The following GNG2 variants were observed in gnomAD, a reference collection of about 807,000 sequenced individuals.
GNG2 encodes G protein subunit gamma 2, also known as guanine nucleotide-binding protein G(I)/G(S)/G(O) subunit gamma-2.
A neutral mutation model predicts 5.5 loss-of-function variants in GNG2; 5 were observed. That is an observed-to-expected ratio of 0.91 (90% confidence interval 0.48 to 1.92). The LOEUF (loss-of-function observed/expected upper bound fraction) is 1.92, where lower values mean the gene tolerates loss of function less well. GNG2 is among the 30% of genes most tolerant of loss of function. The pLI, the probability that GNG2 is intolerant of heterozygous loss-of-function variation, is 0.01. For synonymous variants in GNG2, 28 were observed against 32.0 expected, an observed-to-expected ratio of 0.88 and a Z score of 0.42; for missense variants, 55 against 88.4, an observed-to-expected ratio of 0.62 and a Z score of 1.52.
chr14:51,954,697 C>T (rs1218311303), intron 3 of GNG2, among the ~76,000 whole-genome samples: 1 of 152,210 alleles, frequency 6.6e-6, no homozygotes, highest in African/African-American at 2.4e-5. Context: ...CTCTGCTCCT[C>T]TCTCTGTGTC....
chr14:51,967,194 A>C lies in GNG2; in HGVS notation c.*507A>C. 6.5e-6 allele frequency: 1 copy of C among 152,964 alleles called. No individual in the cohort carries two copies. The highest frequency in any genetic ancestry group is 1.4e-5 in the Non-Finnish European group (1 of 69,138). 9.5% of individuals were successfully genotyped at this position (152,964 alleles called of 1,614,324 possible). A position where few individuals can be genotyped will look rare whatever the true frequency, so the allele number is the denominator to read the frequency against. ...TTCCTTCTCCTCTACCCCTCCTTCCACCCCTCCCCATTAGAGTAGTGTGGA... is the reference window on the plus strand; with the variant it reads ...TTCCTTCTCCTCTACCCCTCCTTCCCCCCCTCCCCATTAGAGTAGTGTGGA... On this transcript the variant is annotated 3_prime_UTR_variant, in exon 4 of 4. Coordinates refer to ENST00000556766, the MANE Select transcript of GNG2 (RefSeq NM_053064.5).
intron 1 of GNG2, among the ~76,000 whole-genome samples, chr14:51,869,947 T>C (rs1176103519): frequency 6.6e-6 from 1 of 152,328 alleles, no homozygotes; most frequent in African/African-American, 2.4e-5. Context: ...CCCGAGGCCA[T>C]GGAGCAGCCC....
rs112991758 is a variant in GNG2, at chr14:51,838,250, C to T, written c.64+10443C>T. Among the ~76,000 whole-genome samples, 1,452 of 152,218 alleles carry T rather than the reference C, an allele frequency of 9.5e-3. 13 individuals carry two copies. Among genetic ancestry groups the T allele is most frequent in the Non-Finnish European group, 0.015 (1,011 of 68,008 alleles). ...CCTGAGGTCAGGAGTTTGAGACAAGCCTGGCCAGCATGGTGAAACCCCATC... is the reference window on the plus strand; with the variant it reads ...CCTGAGGTCAGGAGTTTGAGACAAGTCTGGCCAGCATGGTGAAACCCCATC... On this transcript the variant is annotated intron_variant, in intron 2 of 3. Coordinates refer to the GNG2 transcript ENST00000553432.
intron 2 of GNG2, among the ~76,000 whole-genome samples, chr14:51,849,698 C>A (rs1959520): frequency 0.71 from 108,187 of 152,070 alleles, 40,754 homozygotes; most frequent in East Asian, 0.97. Context: ...AAAATCCATG[C>A]GATCAGAAAC....
At chr14:51,834,413 T>C (rs985478320) in intron 2 of GNG2, among the ~76,000 whole-genome samples, 1 of 152,186 alleles carries the variant, frequency 6.6e-6, no homozygotes, top group Non-Finnish European at 1.5e-5. Context: ...CACATGGAAA[T>C]GAGGCCTTCC....
At chr14:51,940,855 G>A (rs993026285) in intron 2 of GNG2, among the ~76,000 whole-genome samples, 2 of 152,148 alleles carry the variant, frequency 1.3e-5, no homozygotes, top group Non-Finnish European at 2.9e-5. Context: ...CAACGACCCT[G>A]AAACCTGGCA....
chr14:51,899,859 C>A (rs2357249), intron 2 of GNG2, among the ~76,000 whole-genome samples: 9 of 151,970 alleles, frequency 5.9e-5, no homozygotes, highest in Admixed American at 3.9e-4. Flanking sequence ...TTTCACAGTG[C>A]AATAATATTC....
At chr14:51,864,098 C>T (rs1412884368) in intron 1 of GNG2, among the ~76,000 whole-genome samples, 1 of 152,198 alleles carries the variant, frequency 6.6e-6, no homozygotes, top group Non-Finnish European at 1.5e-5. Flanking sequence ...TTTTCCATAG[C>T]AGCTGCACTA....
chr14:51,954,310 A>G (rs1889151124), intron 3 of GNG2, among the ~76,000 whole-genome samples: 1 of 152,140 alleles, frequency 6.6e-6, no homozygotes, highest in African/African-American at 2.4e-5. Flanking sequence ...AAATAAAAGG[A>G]AATTGGGAAG....
intron 1 of GNG2, among the ~76,000 whole-genome samples, chr14:51,876,276 T>A (rs1883658154): frequency 6.6e-6 from 1 of 152,044 alleles, no homozygotes; most frequent in Non-Finnish European, 1.5e-5. Flanking sequence ...TAAAATTTTA[T>A]CATGTGGAGT....
intron 2 of GNG2, among the ~76,000 whole-genome samples, chr14:51,846,266 TA>T (rs1391789046): frequency 3.9e-5 from 6 of 152,242 alleles, no homozygotes; most frequent in Admixed American, 1.3e-4. Context: ...TAATATAGAA[TA>T]TTTTTTACAT....
At chr14:51,843,483 C>G (rs1437749553) in intron 2 of GNG2, among the ~76,000 whole-genome samples, 2 of 152,086 alleles carry the variant, frequency 1.3e-5, no homozygotes, top group Non-Finnish European at 2.9e-5. Context: ...GGGCTTAAAA[C>G]CTGGATGACA....
chr14:51,861,843 G>A (rs1300127207), intron 1 of GNG2, among the ~76,000 whole-genome samples: 1 of 152,150 alleles, frequency 6.6e-6, no homozygotes, highest in Non-Finnish European at 1.5e-5. Context: ...ATCTTCAACA[G>A]AAAGTACAGT....
intron 1 of GNG2, among the ~76,000 whole-genome samples, chr14:51,872,018 C>T (rs886328304): frequency 2.0e-5 from 3 of 152,174 alleles, no homozygotes; most frequent in Admixed American, 6.5e-5. Flanking sequence ...CCATAAGAAC[C>T]GGCAGGTGAG....
At chr14:51,955,707 A>G (rs1036682152) in intron 3 of GNG2, among the ~76,000 whole-genome samples, 1 of 152,246 alleles carries the variant, frequency 6.6e-6, no homozygotes, top group African/African-American at 2.4e-5. Flanking sequence ...TATTTTTTAA[A>G]AGGATGGAAT....
intron 2 of GNG2, among the ~76,000 whole-genome samples, chr14:51,895,913 G>A (rs537790093): frequency 3.2e-4 from 48 of 152,136 alleles, no homozygotes; most frequent in African/African-American, 1.1e-3. Context: ...TGCCATCCAC[G>A]TAAGACGTGA....
At chr14:51,915,729 A>G (rs1886581232) in intron 2 of GNG2, among the ~76,000 whole-genome samples, 1 of 152,228 alleles carries the variant, frequency 6.6e-6, no homozygotes, top group Non-Finnish European at 1.5e-5. Context: ...AAAAAGTGGT[A>G]TTTCTTTAAA....
intron 3 of GNG2, among the ~76,000 whole-genome samples, chr14:51,961,327 A>T (rs1211235002): frequency 2.0e-5 from 3 of 152,152 alleles, no homozygotes; most frequent in African/African-American, 7.2e-5. Flanking sequence ...GCAAGTATCC[A>T]GACTACACCT....
chr14:51,851,517 G>A (rs1881907643), intron 2 of GNG2, among the ~76,000 whole-genome samples: 1 of 152,182 alleles, frequency 6.6e-6, no homozygotes, highest in African/African-American at 2.4e-5. Flanking sequence ...GATTTAGTGA[G>A]TGCTTACTGT....
Sources: gnomAD v4.1 joint callset for allele counts (sites outside exome capture counted in the v4.1 genomes callset) on GRCh38, gnomAD v4.1.1 for gene constraint, MANE v1.5 for transcripts, NCBI Gene and HGNC (gene_info 2026-07-23, HGNC 2026-07-21) for gene names.